Variants in GRID2 observed in about 807,000 individuals in gnomAD.
GRID2 encodes the protein glutamate ionotropic receptor delta type subunit 2.
GRID2 carries 33 observed loss-of-function variants against 114.8 expected under a neutral mutation model. That is an observed-to-expected ratio of 0.29 (90% CI 0.22 to 0.38). The LOEUF (loss-of-function observed/expected upper bound fraction) is 0.38. Among genes scored for constraint, GRID2 ranks in the 10% least tolerant of loss-of-function variants. The pLI, the probability that GRID2 is intolerant of heterozygous loss-of-function variation, is 1.00. For synonymous variants in GRID2, 505 were observed against 449.9 expected, an observed-to-expected ratio of 1.12 and a Z score of -1.55; for missense variants, 1,184 against 1,257.7, an observed-to-expected ratio of 0.94 and a Z score of 0.89.
At chr4:92,885,927 A>G (rs1746336408) in intron 2 of GRID2, among the ~76,000 whole-genome samples, 2 of 152,210 alleles carry the variant, frequency 1.3e-5, no homozygotes, top group South Asian at 4.1e-4. Context: ...GTTAACTTCC[A>G]CATGGTAATA....
intron 13 of GRID2, among the ~76,000 whole-genome samples, chr4:93,592,195 G>T (rs988793114): frequency 4.0e-5 from 6 of 151,766 alleles, no homozygotes; most frequent in Middle Eastern, 3.2e-3. Flanking sequence ...TGGGCATTTA[G>T]TGCTATAAAT....
intron 8 of GRID2, among the ~76,000 whole-genome samples, chr4:93,270,711 C>T (rs556146378): frequency 2.0e-5 from 3 of 152,168 alleles, no homozygotes; most frequent in Admixed American, 6.5e-5. Context: ...TCACTGCAAC[C>T]TCTGTCTCCC....
intron 8 of GRID2, among the ~76,000 whole-genome samples, chr4:93,294,458 G>A (rs1292845355): frequency 1.3e-5 from 2 of 152,188 alleles, no homozygotes; most frequent in Non-Finnish European, 2.9e-5. Flanking sequence ...GTGAGAGAGA[G>A]AGAGTGTGTG....
intron 2 of GRID2, among the ~76,000 whole-genome samples, chr4:92,831,327 C>T (rs1742085348): frequency 6.6e-6 from 1 of 152,106 alleles, no homozygotes; most frequent in African/African-American, 2.4e-5. Flanking sequence ...AGCTGCTCCC[C>T]TAATTACAAA....
intron 2 of GRID2, among the ~76,000 whole-genome samples, chr4:92,640,294 G>C: frequency 6.6e-6 from 1 of 151,760 alleles, no homozygotes; most frequent in Non-Finnish European, 1.5e-5. Flanking sequence ...AAAGCTCTAA[G>C]AATTCCTGTT....
intron 13 of GRID2, among the ~76,000 whole-genome samples, chr4:93,595,845 G>A (rs967651254): frequency 1.3e-5 from 2 of 151,984 alleles, no homozygotes; most frequent in Non-Finnish European, 2.9e-5. Context: ...TGCTCTTCAG[G>A]TACCACATTA....
At chr4:92,769,514 C>A (rs1237534417) in intron 2 of GRID2, among the ~76,000 whole-genome samples, 2 of 152,190 alleles carry the variant, frequency 1.3e-5, no homozygotes, top group Non-Finnish European at 2.9e-5. Context: ...CCTCACATTT[C>A]CCTTCCTCAC....
At chr4:93,727,833 C>T (rs534574082) in intron 14 of GRID2, among the ~76,000 whole-genome samples, 5 of 152,196 alleles carry the variant, frequency 3.3e-5, no homozygotes, top group African/African-American at 9.6e-5. Context: ...GTGATGATAT[C>T]CCCTTTATCA....
In GRID2 at chr4:93,139,725, G is replaced by A. The variant is rs905968152; in HGVS notation, c.735+28772G>A. On this transcript the variant is annotated intron_variant, in intron 4 of 15. Transcript: ENST00000282020. ...TTTTATTTCACTGAGGCCCTAGACTGTACTTTTGAAACACACACACACACA... is the reference window on the plus strand; with the variant it reads ...TTTTATTTCACTGAGGCCCTAGACTATACTTTTGAAACACACACACACACA... Among the ~76,000 whole-genome samples the A allele has an allele frequency of 5.0e-4, 72 of 144,306 alleles. 1 individual carries two copies. Among genetic ancestry groups the A allele is most frequent in the African/African-American group, 1.8e-3 (68 of 37,588 alleles). The allele number at this position is 144,306 out of a possible 152,430, so 94.7% of individuals were successfully genotyped here. A position where few individuals can be genotyped will look rare whatever the true frequency, so the allele number is the denominator to read the frequency against.
intron 2 of GRID2, among the ~76,000 whole-genome samples, chr4:92,627,644 C>A (rs1160464303): frequency 1.3e-5 from 2 of 152,048 alleles, no homozygotes; most frequent in African/African-American, 4.8e-5. Context: ...CCCACTAATT[C>A]TTTATACAAT....
intron 8 of GRID2, among the ~76,000 whole-genome samples, chr4:93,261,562 A>T (rs2149550177): frequency 6.6e-6 from 1 of 151,956 alleles, no homozygotes; most frequent in South Asian, 2.1e-4. Context: ...TATATACAGA[A>T]TAGAGAGATG....
intron 2 of GRID2, among the ~76,000 whole-genome samples, chr4:92,638,681 A>G (rs941871832): frequency 5.3e-5 from 8 of 150,398 alleles, no homozygotes; most frequent in African/African-American, 1.9e-4. Flanking sequence ...ATGTAATATA[A>G]GGAAAAACAG....
chr4:93,339,585 T>G (rs987231986), intron 8 of GRID2, among the ~76,000 whole-genome samples: 1 of 152,204 alleles, frequency 6.6e-6, no homozygotes, highest in African/African-American at 2.4e-5. Flanking sequence ...AATAAATTTC[T>G]GTTTTAAGCC....
chr4:92,572,504 A>G (rs1727679997), intron 1 of GRID2, among the ~76,000 whole-genome samples: 1 of 152,004 alleles, frequency 6.6e-6, no homozygotes, highest in Non-Finnish European at 1.5e-5. Context: ...CAATCAATAG[A>G]AAAAGAGGGA....
rs1172467605 is a variant in GRID2, at chr4:93,122,898, T to TGTTTTTG, written c.735+11945_735+11946insGTTTTTG. 1.8e-4 allele frequency among the ~76,000 whole-genome samples: 26 copies of TGTTTTTG among 147,858 alleles called. No individual in the cohort carries two copies. The South Asian group carries it at 2.1e-3, about 12-fold the overall frequency. On this transcript the variant is annotated intron_variant, in intron 4 of 15. Transcript: ENST00000282020. ...TCAATCCACAGATGTGGGTTTTTTTTTTTTTTTTTTTTTTGATGAGAAAGT... is the reference window on the plus strand; with the variant it reads ...TCAATCCACAGATGTGGGTTTTTTTTGTTTTTGTTTTTTTTTTTTTTGATGAGAAAGT...
intron 13 of GRID2, among the ~76,000 whole-genome samples, chr4:93,595,017 C>T (rs1045012968): frequency 1.3e-5 from 2 of 152,166 alleles, no homozygotes; most frequent in Non-Finnish European, 2.9e-5. Context: ...CCATCTTCTG[C>T]ATCGCTCAGG....
chr4:93,590,106 T>C (rs1225335571), intron 13 of GRID2, among the ~76,000 whole-genome samples: 2 of 150,172 alleles, frequency 1.3e-5, no homozygotes, highest in Non-Finnish European at 3.0e-5. Context: ...GCTTTTGGTG[T>C]TTTAGACATG....
chr4:93,206,344 G>T (rs567831482), intron 4 of GRID2, among the ~76,000 whole-genome samples: 4 of 151,224 alleles, frequency 2.6e-5, no homozygotes, highest in Non-Finnish European at 5.9e-5. Context: ...GGTGTTTCTC[G>T]GTAGAACAAA....
At chr4:92,910,124 A>G (rs1748258214) in intron 2 of GRID2, among the ~76,000 whole-genome samples, 1 of 152,090 alleles carries the variant, frequency 6.6e-6, no homozygotes, top group Non-Finnish European at 1.5e-5. Context: ...TATAGGATGG[A>G]TGATGTGGAC....
Sources: allele counts gnomAD v4.1 joint callset (sites outside exome capture counted in the v4.1 genomes callset), GRCh38; gene constraint gnomAD v4.1.1; transcripts MANE v1.5; gene names NCBI Gene and HGNC (gene_info 2026-07-23, HGNC 2026-07-21).